Variants in RAB3D observed in about 807,000 individuals in gnomAD.
The protein encoded by RAB3D is ras-related protein Rab-3D.
Under a neutral mutation model 19.3 loss-of-function variants are expected in RAB3D, and 17 were observed. That is an observed-to-expected ratio of 0.88 (90% CI 0.60 to 1.32). The LOEUF is 1.32. Among genes scored for constraint, RAB3D ranks in the 40% most tolerant of loss-of-function variants. The pLI, the probability that RAB3D is intolerant of heterozygous loss-of-function variation, is 0.00. For synonymous variants in RAB3D, 103 were observed against 119.9 expected (o/e 0.86, Z 0.92); for missense variants, 223 against 299.1 (o/e 0.75, Z 1.88).
chr19:11,339,213 G>A (rs1966927348), intron 1 of RAB3D, among the ~76,000 whole-genome samples: 1 of 152,164 alleles, frequency 6.6e-6, no homozygotes, highest in Admixed American at 6.5e-5. Flanking sequence ...CCTCAAGCCT[G>A]GCCCCGGAGG....
At chr19:11,328,282 C>T (rs1387694992) in intron 4 of RAB3D, among the ~76,000 whole-genome samples, 1 of 138,970 alleles carries the variant, frequency 7.2e-6, no homozygotes, top group South Asian at 2.2e-4. Context: ...TGCAGTGAGC[C>T]GAGATTGTGC....
intron 4 of RAB3D, 143 bp downstream of exon 4, chr19:11,335,304 G>T: frequency 8.2e-7 from 1 of 1,221,016 alleles, no homozygotes; most frequent in South Asian, 1.5e-5. Context: ...CCTGCAATTA[G>T]ACGGGACATG....
rs751532964 is a variant in RAB3D, at chr19:11,325,421, G to A, written c.637C>T (p.Gln213Ter). The change falls in exon 5 of 5, where the codon CAG becomes TAG. Residue 213 changes from glutamine to a stop codon, truncating the protein, a stop_gained. Coordinates refer to ENST00000222120, the MANE Select transcript of RAB3D (RefSeq NM_004283.4). LOFTEE classifies it high-confidence loss of function. The stretch of plus-strand genomic sequence containing the variant: ...CTCTAGCAGCTGCAGCTGCTGGGCT[G>A]GGGGGCTGGAGCATCCCCCACGGCC... Reference protein sequence around the residue: ...GPAVGDAPAPQPSSCSC With the variant: ...GPAVGDAPAP 5 of 1,568,338 alleles carry A rather than the reference G, an allele frequency of 3.2e-6. No individual in the cohort carries two copies. The Admixed American group carries it at 8.5e-5, about 27-fold the overall frequency.
At chr19:11,330,915 C>T (rs1240383431) in intron 4 of RAB3D, among the ~76,000 whole-genome samples, 2 of 151,238 alleles carry the variant, frequency 1.3e-5, no homozygotes, top group African/African-American at 4.9e-5. Context: ...ACTTGGGAGG[C>T]TGAGGTGGGA....
At position 11,325,578 on chromosome 19, in the gene RAB3D, C is replaced by T; in HGVS notation, c.480G>A (p.Glu160=). ...TCTCCTTGGCACTGGCTTCAAAGAA[C>T]TCGAAACCTGGATGAATGTTAAGGT... ...GRRLADDLGF[E]FFEASAKENI... Residue 160 remains glutamate (E), a synonymous_variant, in exon 5 of 5, where the codon GAG becomes GAA. Transcript: ENST00000222120. The T allele has an allele frequency of 6.2e-7, 1 of 1,608,500 alleles. No individual in the cohort carries two copies. Among genetic ancestry groups the T allele is most frequent in the Non-Finnish European group, 8.5e-7 (1 of 1,177,522 alleles).
chr19:11,338,994 CT>C (rs1568302500), intron 1 of RAB3D, among the ~76,000 whole-genome samples: 1 of 152,248 alleles, frequency 6.6e-6, no homozygotes, highest in Non-Finnish European at 1.5e-5. Flanking sequence ...TATTTCTCAA[CT>C]GCCTTTGGGG....
chr19:11,336,297 C>G (rs1966894828), intron 2 of RAB3D, among the ~76,000 whole-genome samples: 1 of 152,046 alleles, frequency 6.6e-6, no homozygotes, highest in South Asian at 2.1e-4. Context: ...GCACCTGGGA[C>G]CTTTCTTTTT....
chr19:11,328,444 G>T (rs1197235726), intron 4 of RAB3D, among the ~76,000 whole-genome samples: 1 of 151,548 alleles, frequency 6.6e-6, no homozygotes, highest in Non-Finnish European at 1.5e-5. Context: ...GAGGTCAGGA[G>T]TTCGAGACCA....
chr19:11,338,725 A>AT (rs1966921150), intron 1 of RAB3D, among the ~76,000 whole-genome samples: 1 of 152,128 alleles, frequency 6.6e-6, no homozygotes, highest in African/African-American at 2.4e-5. Context: ...CAGCCACTTA[A>AT]TTAACACAAC....
chr19:11,337,274 G>A lies in RAB3D; in HGVS notation c.126C>T (p.Tyr42=), dbSNP rs769522154. The A allele has an allele frequency of 2.4e-5, 39 of 1,613,976 alleles. No individual in the cohort carries two copies. Among genetic ancestry groups the A allele is most frequent in the African/African-American group, 1.1e-4 (8 of 74,878 alleles). Residue 42 remains tyrosine (Y), a synonymous_variant, in exon 2 of 5, where the codon TAC becomes TAT. Transcript: ENST00000222120. ...SVGKTSFLFR[Y]ADDSFTPAFV... is the part of the protein sequence containing the mutation. ...AGGCGGGAGTGAAGGAGTCGTCCGC[G>A]TATCGGAACAGGAAGGAAGTCTTGC...
intron 1 of RAB3D, among the ~76,000 whole-genome samples, chr19:11,337,735 A>C (rs1342300599): frequency 6.7e-6 from 1 of 150,250 alleles, no homozygotes; most frequent in Non-Finnish European, 1.5e-5. Context: ...CAGTGGCGTG[A>C]TCATAGCTCA....
At chr19:11,335,858 C>A in intron 2 of RAB3D, 75 bp from the exon 3 acceptor site, 1 of 1,341,302 alleles carries the variant, frequency 7.5e-7, no homozygotes, top group South Asian at 1.2e-5. Flanking sequence ...GGGGCACTGC[C>A]CTGTACTCAT....
Position 11,322,293 on chromosome 19 carries a change from G to C in RAB3D, c.*3105C>G, listed in dbSNP as rs2080784454. ...TTACTTATTTTTCTAAATGGAGTAG[G>C]AGAGAAAGATGCTAAAATGTGATCT... On this transcript the variant is annotated 3_prime_UTR_variant, in exon 5 of 5. Transcript: ENST00000222120. 1 of 151,950 alleles carries C rather than the reference G, an allele frequency of 6.6e-6. No homozygotes were observed. The highest frequency in any genetic ancestry group is 6.6e-5 in the Admixed American group (1 of 15,234). The allele number at this position is 151,950 out of a possible 1,614,324, so 9.4% of individuals were successfully genotyped here.
intron 4 of RAB3D, among the ~76,000 whole-genome samples, chr19:11,332,642 A>G (rs1301847794): frequency 6.6e-6 from 1 of 152,154 alleles, no homozygotes; most frequent in Non-Finnish European, 1.5e-5. Context: ...TATCACAAAA[A>G]GTTATTATTT....
chr19:11,331,506 A>C (rs2080835623), intron 4 of RAB3D, among the ~76,000 whole-genome samples: 1 of 152,076 alleles, frequency 6.6e-6, no homozygotes. Context: ...CAGGAGTTCA[A>C]GACCAGCCTG....
rs1359200376 is a variant in RAB3D, at chr19:11,322,939, C to T, written c.*2459G>A. 3 of 152,044 alleles carry T rather than the reference C, an allele frequency of 2.0e-5. No individual in the cohort carries two copies. Among genetic ancestry groups the T allele is most frequent in the Middle Eastern group, 3.2e-3 (1 of 316 alleles). 9.4% of individuals were successfully genotyped at this position (152,044 alleles called of 1,614,324 possible). On this transcript the variant is annotated 3_prime_UTR_variant, in exon 5 of 5. Transcript: ENST00000222120. ...AACCAGCCTGGCCAACAAGGTGAAA[C>T]CGTCGCTACTAAAAATGCAAAACTT...
rs1467614097 is a variant in RAB3D, at chr19:11,323,006, G to T, written c.*2392C>A. 1 of 152,042 alleles carries T rather than the reference G, an allele frequency of 6.6e-6. No individual in the cohort carries two copies. The highest frequency in any genetic ancestry group is 2.4e-5 in the African/African-American group (1 of 41,376). 9.4% of individuals were successfully genotyped at this position (152,042 alleles called of 1,614,324 possible). ...AGGTGCCTGTAGTCCCAGCTACTTA[G>T]GAGGCTGAGACAGGAGAATCGCTTG... On this transcript the variant is annotated 3_prime_UTR_variant, in exon 5 of 5. Transcript: ENST00000222120.
chr19:11,323,153 T>G lies in RAB3D; in HGVS notation c.*2245A>C, dbSNP rs2080790847. ...AAAAACCTCAGCAGGCCATACTGCA[T>G]CTTGAGAAGTCTTTTTGAAGCTACT... is the stretch of plus-strand genomic sequence containing the variant. On this transcript the variant is annotated 3_prime_UTR_variant, in exon 5 of 5. Transcript: ENST00000222120. The G allele has an allele frequency of 6.6e-6, 1 of 150,914 alleles. No homozygotes were observed. The allele number at this position is 150,914 out of a possible 1,614,324, so 9.3% of individuals were successfully genotyped here. A position where few individuals can be genotyped will look rare whatever the true frequency, so the allele number is the denominator to read the frequency against.
Position 11,322,726 on chromosome 19 carries a change from T to C in RAB3D, c.*2672A>G, listed in dbSNP as rs531392073. On this transcript the variant is annotated 3_prime_UTR_variant, in exon 5 of 5. Coordinates refer to ENST00000222120, the MANE Select transcript of RAB3D (RefSeq NM_004283.4). Reference sequence around the variant, plus strand: ...TTGAGAGAATCCTGAGGCAGCTCTCTCGGCTGCTACTTGAAGTTGAATTCT... The same window carrying C: ...TTGAGAGAATCCTGAGGCAGCTCTCCCGGCTGCTACTTGAAGTTGAATTCT... 1 of 152,340 alleles carries C rather than the reference T, an allele frequency of 6.6e-6. No individual in the cohort carries two copies. The highest frequency in any genetic ancestry group is 6.5e-5 in the Admixed American group (1 of 15,286). The allele number at this position is 152,340 out of a possible 1,614,324, so 9.4% of individuals were successfully genotyped here.
Sources: gnomAD v4.1 joint callset for allele counts (sites outside exome capture counted in the v4.1 genomes callset) on GRCh38, gnomAD v4.1.1 for gene constraint, MANE v1.5 for transcripts, NCBI Gene and HGNC (gene_info 2026-07-23, HGNC 2026-07-21) for gene names.